ZNF469: variants seen among roughly 807,000 people sequenced by gnomAD.
ZNF469 encodes the protein zinc finger protein 469.
A neutral mutation model predicts 1.0 loss-of-function variants in ZNF469; 1 was observed. The observed-to-expected ratio is 1.00, with a 90% CI of 0.35 to 4.73. ZNF469 has a LOEUF of 4.73. ZNF469 is among the 30% of genes most tolerant of loss of function. The probability of loss-of-function intolerance (pLI) is 0.16; values close to 1 mark genes in which losing one functional copy is unlikely to be tolerated. For missense variants in ZNF469, 6,100 were observed against 5,356.3 expected (o/e 1.14, Z -4.33); for synonymous variants, 2,703 against 2,363.4 (o/e 1.14, Z -4.17).
At chr16:88,213,881 G>T in the ZNF469 span, among the ~76,000 whole-genome samples, 2 of 152,200 alleles carry the variant, frequency 1.3e-5, no homozygotes, top group East Asian at 3.9e-4. Flanking sequence ...GAGAGCTCAA[G>T]AAATACTTCT....
At chr16:88,362,833 G>C in the ZNF469 span, among the ~76,000 whole-genome samples, 2 of 152,176 alleles carry the variant, frequency 1.3e-5, no homozygotes, top group East Asian at 3.9e-4. Flanking sequence ...TGTTTCTGAG[G>C]CTCCAATTAC....
At chr16:88,125,153 G>C in the ZNF469 span, among the ~76,000 whole-genome samples, 17 of 152,104 alleles carry the variant, frequency 1.1e-4, no homozygotes, top group Admixed American at 4.6e-4. Flanking sequence ...TCACAGAATT[G>C]CTTTAGCACT....
At position 88,435,855 on chromosome 16, in the gene ZNF469, C is replaced by T; in HGVS notation, c.8385C>T (p.Pro2795=). The change falls in exon 3 of 3, where the codon CCC becomes CCT. Residue 2795 remains proline (P), a synonymous_variant. Coordinates refer to ENST00000565624, the MANE Select transcript of ZNF469 (RefSeq NM_001367624.2). ...SEEGVWEENT[P]PLGPLGFPET... ...AAGGTGTCTGGGAGGAGAACACGCC[C>T]CCCTTGGGCCCCCTGGGTTTTCCCG... 2 of 1,550,330 alleles carry T rather than the reference C, an allele frequency of 1.3e-6. No homozygotes were observed. Among genetic ancestry groups the T allele is most frequent in the Non-Finnish European group, 1.7e-6 (2 of 1,146,962 alleles).
rs540197421 is a variant in ZNF469, at chr16:88,438,132, T to C, written c.10662T>C (p.Ser3554=). 1.0e-5 allele frequency: 16 copies of C among 1,550,394 alleles called. No homozygotes were observed. The East Asian group carries it at 3.2e-4, about 31-fold the overall frequency. The change falls in exon 3 of 3, where the codon TCT becomes TCC. Residue 3554 remains serine, a synonymous_variant. Transcript: ENST00000565624. ...PSNHQECPPP[S]LSPFPAALAD... is the part of the protein sequence containing the mutation. ...ACCACCAGGAGTGTCCCCCGCCGTC[T>C]CTGTCTCCCTTCCCAGCTGCCTTGG...
the ZNF469 span, among the ~76,000 whole-genome samples, chr16:88,343,202 G>A: frequency 8.5e-5 from 13 of 152,208 alleles, no homozygotes; most frequent in Non-Finnish European, 1.6e-4. Context: ...TGCTCTCCTG[G>A]ACCTCCGTCC....
chr16:88,381,659 G>A (rs1158314064), upstream of ZNF469, among the ~76,000 whole-genome samples: 2 of 152,266 alleles, frequency 1.3e-5, no homozygotes, highest in African/African-American at 2.4e-5. Flanking sequence ...GGCCCCAGAT[G>A]ATGCCATGGA....
At chr16:88,287,151 C>T in the ZNF469 span, among the ~76,000 whole-genome samples, 1 of 152,194 alleles carries the variant, frequency 6.6e-6, no homozygotes, top group African/African-American at 2.4e-5. Flanking sequence ...ACCGAATCTT[C>T]AGTTTCTAAG....
chr16:88,274,123 T>C, the ZNF469 span, among the ~76,000 whole-genome samples: 2 of 152,202 alleles, frequency 1.3e-5, no homozygotes, highest in Non-Finnish European at 2.9e-5. Flanking sequence ...TTATTCAGCC[T>C]TAAGAAACTC....
At chr16:88,377,141 C>T in the ZNF469 span, among the ~76,000 whole-genome samples, 2 of 152,254 alleles carry the variant, frequency 1.3e-5, no homozygotes, top group African/African-American at 4.8e-5. Flanking sequence ...CTTCTGCACA[C>T]CAGGCAGGCC....
chr16:88,244,249 G>T, the ZNF469 span, among the ~76,000 whole-genome samples: 1 of 147,592 alleles, frequency 6.8e-6, no homozygotes, highest in African/African-American at 2.5e-5. Context: ...GTTTGGGAGG[G>T]TGAATGCATA....
chr16:88,191,439 C>G, the ZNF469 span: 4 of 152,302 alleles, frequency 2.6e-5, no homozygotes, highest in Admixed American at 6.5e-5. Context: ...AAGGCATCAA[C>G]CACCGCACTG....
the ZNF469 span, among the ~76,000 whole-genome samples, chr16:88,365,371 T>C: frequency 6.6e-6 from 1 of 152,224 alleles, no homozygotes. Context: ...ATCAGAGCTC[T>C]ACATTCCTGG....
chr16:88,352,747 C>G, the ZNF469 span, among the ~76,000 whole-genome samples: 1 of 152,238 alleles, frequency 6.6e-6, no homozygotes, highest in Non-Finnish European at 1.5e-5. Context: ...GTCTTCTCTC[C>G]CCTCTTCTCC....
the ZNF469 span, among the ~76,000 whole-genome samples, chr16:88,321,349 A>C: frequency 1.3e-5 from 2 of 152,280 alleles, no homozygotes; most frequent in Non-Finnish European, 2.9e-5. Context: ...GCCTTGCCTG[A>C]TTGGATGCAG....
chr16:88,139,602 A>G, the ZNF469 span, among the ~76,000 whole-genome samples: 19 of 119,354 alleles, frequency 1.6e-4, no homozygotes, highest in East Asian at 5.8e-4. Flanking sequence ...GACGTGATGA[A>G]GAAAATTGCT....
chr16:88,313,964 G>A, the ZNF469 span, among the ~76,000 whole-genome samples: 3 of 151,704 alleles, frequency 2.0e-5, no homozygotes, highest in South Asian at 6.3e-4. Flanking sequence ...AGATGATGCT[G>A]GTGTGGAATA....
chr16:88,202,758 G>A, the ZNF469 span, among the ~76,000 whole-genome samples: 3 of 152,172 alleles, frequency 2.0e-5, no homozygotes, highest in Admixed American at 1.3e-4. Flanking sequence ...TGCATCTCTC[G>A]AGTCTGCTCT....
At chr16:88,421,281 G>A (rs907448171) in intron 1 of ZNF469, among the ~76,000 whole-genome samples, 1 of 152,174 alleles carries the variant, frequency 6.6e-6, no homozygotes, top group Non-Finnish European at 1.5e-5. Flanking sequence ...GGCTAAAGAG[G>A]GGCCAGTTCC....
At chr16:88,333,946 TTGTG>T in the ZNF469 span, among the ~76,000 whole-genome samples, 1,152 of 146,266 alleles carry the variant, frequency 7.9e-3, 14 homozygotes, top group African/African-American at 0.027. Flanking sequence ...GTGTATGTGT[TTGTG>T]TGTCTGCATG....
Sources: allele counts gnomAD v4.1 joint callset (sites outside exome capture counted in the v4.1 genomes callset), GRCh38; gene constraint gnomAD v4.1.1; transcripts MANE v1.5; gene names NCBI Gene and HGNC (gene_info 2026-07-23, HGNC 2026-07-21).